DLG2: variants seen among roughly 807,000 people sequenced by gnomAD.
The protein encoded by DLG2 is discs large MAGUK scaffold protein 2.
In DLG2, 45 loss-of-function variants were observed where a neutral mutation model predicts 132.5. The observed-to-expected ratio is 0.34, with a 90% CI of 0.27 to 0.44. The LOEUF (loss-of-function observed/expected upper bound fraction) is 0.44, where lower values mean the gene tolerates loss of function less well. DLG2 is among the 20% of genes least tolerant of loss of function. The pLI, the probability that DLG2 is intolerant of heterozygous loss-of-function variation, is 1.00. For synonymous variants in DLG2, 424 were observed against 419.6 expected (o/e 1.01, Z -0.13); for missense variants, 1,045 against 1,196.9 (o/e 0.87, Z 1.87).
At position 84,059,403 on chromosome 11, in the gene DLG2, T is replaced by C. The variant is rs1594323606; in HGVS notation, c.831A>G (p.Glu277=). ...SHSKAVEALK[E]AGSIVRLYVR... The stretch of plus-strand genomic sequence containing the variant: ...CATACAGCCGAACGATAGACCCTGC[T>C]TCCTTCAGGGCTTCCACCGCTTTAC... Residue 277 remains glutamate (E), a synonymous_variant, in exon 11 of 28, where the codon GAA becomes GAG. Coordinates refer to ENST00000376104, the MANE Select transcript of DLG2 (RefSeq NM_001142699.3). The C allele has an allele frequency of 1.2e-6, 2 of 1,613,616 alleles. No homozygotes were observed. The highest frequency in any genetic ancestry group is 2.7e-5 in the African/African-American group (2 of 75,002).
At chr11:83,901,078 T>C (rs2073286893) in intron 15 of DLG2, among the ~76,000 whole-genome samples, 1 of 152,240 alleles carries the variant, frequency 6.6e-6, no homozygotes, top group Non-Finnish European at 1.5e-5. Flanking sequence ...GCATAGAGCC[T>C]ATAGCCCCTT....
intron 19 of DLG2, among the ~76,000 whole-genome samples, chr11:83,586,865 C>T (rs1465102954): frequency 6.6e-6 from 1 of 152,190 alleles, no homozygotes; most frequent in Admixed American, 6.5e-5. Flanking sequence ...TTTTCTCTAA[C>T]CCACAGCAGG....
intron 6 of DLG2, among the ~76,000 whole-genome samples, chr11:84,605,013 T>C (rs183340518): frequency 1.3e-5 from 2 of 152,064 alleles, no homozygotes; most frequent in Admixed American, 6.6e-5. Context: ...ATAAATGAGA[T>C]AGAAGTTACT....
intron 10 of DLG2, among the ~76,000 whole-genome samples, chr11:84,089,158 C>T (rs2097046815): frequency 6.6e-6 from 1 of 152,080 alleles, no homozygotes; most frequent in Admixed American, 6.5e-5. Flanking sequence ...TATGCTATTT[C>T]CACTTCCTAG....
At chr11:84,763,206 C>G (rs1176586197) in intron 6 of DLG2, 1 of 152,150 alleles carries the variant, frequency 6.6e-6, no homozygotes, top group African/African-American at 2.4e-5. Flanking sequence ...GGTAATCACA[C>G]TATATTCTAA....
rs1016426647 is a variant in DLG2, at chr11:85,220,653, T to A, written c.186+64567A>T. On this transcript the variant is annotated intron_variant, in intron 4 of 27. Transcript: ENST00000376104. ...AGAAAAAAAAATATATATATATATA[T>A]AACTTTATTTCACAAAAATGAAATG... Among the ~76,000 whole-genome samples, 3 of 150,490 alleles carry A rather than the reference T, an allele frequency of 2.0e-5. 1 individual carries two copies. Among genetic ancestry groups the A allele is most frequent in the South Asian group, 4.2e-4 (2 of 4,814 alleles).
intron 3 of DLG2, among the ~76,000 whole-genome samples, chr11:85,447,298 C>T (rs572983362): frequency 6.6e-6 from 1 of 152,076 alleles, no homozygotes; most frequent in Non-Finnish European, 1.5e-5. Flanking sequence ...TCCCCTGCCC[C>T]CTGCCCAAAC....
chr11:84,898,415 C>G (rs1235805526), intron 6 of DLG2, among the ~76,000 whole-genome samples: 1 of 151,952 alleles, frequency 6.6e-6, no homozygotes, highest in Non-Finnish European at 1.5e-5. Flanking sequence ...CTCCTTCCCT[C>G]TACCACTTTC....
intron 17 of DLG2, among the ~76,000 whole-genome samples, chr11:83,831,829 C>T (rs116142946): frequency 1.3e-5 from 2 of 151,878 alleles, no homozygotes; most frequent in African/African-American, 4.8e-5. Context: ...ATGGATTTAC[C>T]CTATCATACT....
At chr11:84,898,588 A>T (rs2090492934) in intron 6 of DLG2, among the ~76,000 whole-genome samples, 1 of 151,892 alleles carries the variant, frequency 6.6e-6, no homozygotes, top group Non-Finnish European at 1.5e-5. Context: ...TTACTATCCC[A>T]CTTAATATTT....
chr11:84,423,314 T>A (rs2098956482), intron 7 of DLG2, among the ~76,000 whole-genome samples: 1 of 152,174 alleles, frequency 6.6e-6, no homozygotes, highest in African/African-American at 2.4e-5. Flanking sequence ...GATAACTAAA[T>A]GATATTTTGT....
chr11:85,404,956 A>G (rs1474380636), intron 3 of DLG2, among the ~76,000 whole-genome samples: 1 of 152,000 alleles, frequency 6.6e-6, no homozygotes, highest in African/African-American at 2.4e-5. Context: ...GACAGTCAGG[A>G]GGTTCTAGAA....
chr11:85,528,782 A>C (rs1342085447), intron 3 of DLG2, among the ~76,000 whole-genome samples: 1 of 152,178 alleles, frequency 6.6e-6, no homozygotes, highest in East Asian at 1.9e-4. Flanking sequence ...TGAAATTCTT[A>C]ATAAATGTTG....
intron 16 of DLG2, among the ~76,000 whole-genome samples, chr11:83,857,235 T>A (rs1376627748): frequency 1.3e-5 from 2 of 152,238 alleles, no homozygotes; most frequent in Non-Finnish European, 2.9e-5. Flanking sequence ...TAATATAGTT[T>A]GAAGTCAGCT....
At chr11:85,093,309 G>GTTT (rs67241693) in intron 6 of DLG2, among the ~76,000 whole-genome samples, 3 of 150,396 alleles carry the variant, frequency 2.0e-5, no homozygotes, top group African/African-American at 7.3e-5. Flanking sequence ...GGGAGTTTTT[G>GTTT]TTTTTTTTTT....
intron 15 of DLG2, among the ~76,000 whole-genome samples, chr11:83,875,007 C>T: frequency 6.6e-6 from 1 of 152,028 alleles, no homozygotes; most frequent in Non-Finnish European, 1.5e-5. Context: ...ATTTTTTAAG[C>T]TGCAGAATAA....
At chr11:84,241,056 G>A (rs781573594) in intron 8 of DLG2, among the ~76,000 whole-genome samples, 1 of 152,192 alleles carries the variant, frequency 6.6e-6, no homozygotes, top group African/African-American at 2.4e-5. Flanking sequence ...CTTTGTACTT[G>A]CACTTCCCTC....
rs558830597 is a variant in DLG2, at chr11:84,233,400, A to G, written c.573+17838T>C. ...AAGAGCAGCCTGAAAAATCAAGCTG[A>G]AAACATAAATAAGCAAGCTGGAAGC... On this transcript the variant is annotated intron_variant, in intron 8 of 27. Transcript: ENST00000376104. 5.9e-5 allele frequency among the ~76,000 whole-genome samples: 9 copies of G among 152,176 alleles called. No homozygotes were observed. The East Asian group carries it at 1.7e-3, about 29-fold the overall frequency.
chr11:84,520,836 C>T (rs557775403), intron 7 of DLG2, among the ~76,000 whole-genome samples: 1 of 152,228 alleles, frequency 6.6e-6, no homozygotes, highest in South Asian at 2.1e-4. Context: ...AATTACTTCC[C>T]ACAATGTGCT....
Sources: allele counts gnomAD v4.1 joint callset (sites outside exome capture counted in the v4.1 genomes callset), GRCh38; gene constraint gnomAD v4.1.1; transcripts MANE v1.5; gene names NCBI Gene and HGNC (gene_info 2026-07-23, HGNC 2026-07-21).